Variants in FXN observed in about 807,000 individuals in gnomAD.
The protein encoded by FXN is frataxin, mitochondrial.
Under a neutral mutation model 22.4 loss-of-function variants are expected in FXN, and 14 were observed. That is an observed-to-expected ratio of 0.62 (90% CI 0.41 to 0.98). The LOEUF is 0.98. Ranked by LOEUF, FXN falls within the 50% of genes least tolerant of loss-of-function variation. FXN has a pLI of 0.00. For synonymous variants in FXN, 120 were observed against 114.1 expected (o/e 1.05, Z -0.33); for missense variants, 267 against 268.4 (o/e 0.99, Z 0.04).
chr9:69,071,789 G>T (rs1297237419), intron 4 of FXN, among the ~76,000 whole-genome samples: 1 of 152,184 alleles, frequency 6.6e-6, no homozygotes, highest in Non-Finnish European at 1.5e-5. Context: ...ACTGTTTAAT[G>T]GGTATAGTTG....
At chr9:69,060,496 A>C (rs1381005013) in intron 3 of FXN, among the ~76,000 whole-genome samples, 1 of 152,196 alleles carries the variant, frequency 6.6e-6, no homozygotes, top group Non-Finnish European at 1.5e-5. Flanking sequence ...CACTCCCAAA[A>C]TAGACTCAGA....
At chr9:69,040,528 C>T (rs1317534230) in intron 1 of FXN, among the ~76,000 whole-genome samples, 2 of 152,000 alleles carry the variant, frequency 1.3e-5, no homozygotes, top group South Asian at 2.1e-4. Context: ...ATTAGCCGGG[C>T]GTGGTGACGG....
intron 2 of FXN, among the ~76,000 whole-genome samples, chr9:69,047,591 G>A (rs991326943): frequency 6.6e-6 from 1 of 152,190 alleles, no homozygotes; most frequent in Admixed American, 6.5e-5. Flanking sequence ...GGCAGGCAGT[G>A]GGAAGTGTGC....
chr9:69,040,406 C>T (rs1051934008), intron 1 of FXN, among the ~76,000 whole-genome samples: 5 of 152,150 alleles, frequency 3.3e-5, no homozygotes, highest in Non-Finnish European at 5.9e-5. Context: ...CGGTGGCTCA[C>T]GCCTGTAATC....
At chr9:69,042,372 T>C (rs1023847350) in intron 1 of FXN, among the ~76,000 whole-genome samples, 2 of 152,168 alleles carry the variant, frequency 1.3e-5, no homozygotes, top group African/African-American at 2.4e-5. Flanking sequence ...CTCCATTCTT[T>C]TGTTCAGAGC....
chr9:69,076,411 T>G lies in FXN; in HGVS notation c.*3649T>G. On this transcript the variant is annotated 3_prime_UTR_variant, in exon 5 of 5. Coordinates refer to ENST00000484259, the MANE Select transcript of FXN (RefSeq NM_000144.5). ...TGACGTTCCCTACTCAACCTTGAAC[T>G]TAATCAAAATACTCAGTTTACTTAA... The G allele has an allele frequency of 3.0e-6, 3 of 985,404 alleles. No homozygotes were observed. The highest frequency in any genetic ancestry group is 3.6e-6 in the Non-Finnish European group (3 of 829,916). The allele number at this position is 985,404 out of a possible 1,614,324, so 61.0% of individuals were successfully genotyped here. A position where few individuals can be genotyped will look rare whatever the true frequency, so the allele number is the denominator to read the frequency against.
intron 2 of FXN, among the ~76,000 whole-genome samples, chr9:69,051,026 C>T (rs11144940): frequency 0.069 from 10,459 of 152,206 alleles, 473 homozygotes; most frequent in African/African-American, 0.13. Flanking sequence ...GTGATCCGCC[C>T]GCCTCGGCCT....
At chr9:69,071,127 A>G in intron 4 of FXN, 1 of 514,356 alleles carries the variant, frequency 1.9e-6, no homozygotes, top group Non-Finnish European at 3.9e-6. Context: ...AGAGCACCTC[A>G]GGCAGTGTGG....
chr9:69,053,222 A>G lies in FXN; in HGVS notation c.346A>G (p.Lys116Glu), dbSNP rs1165716226. 3.7e-6 allele frequency: 6 copies of G among 1,613,820 alleles called. No homozygotes were observed. The highest frequency in any genetic ancestry group is 5.1e-6 in the Non-Finnish European group (6 of 1,179,962). The change falls in exon 3 of 5, where the codon AAG becomes GAG. Residue 116 changes from lysine to glutamate, a missense_variant. Coordinates refer to ENST00000484259, the MANE Select transcript of FXN (RefSeq NM_000144.5). The part of the protein sequence containing the change: ...LAEFFEDLAD[K>E]PYTFEDYDVS... ...AGAGTTTTTTGAAGACCTTGCAGACAAGCCATACACGTTTGAGGACTATGA... is the reference window on the plus strand; with the variant it reads ...AGAGTTTTTTGAAGACCTTGCAGACGAGCCATACACGTTTGAGGACTATGA...
rs1271766958 is a variant in FXN at position 69,061,472 on chromosome 9, CACAAAGAGA to C, written c.385-3460_385-3452del. 1.4e-4 allele frequency among the ~76,000 whole-genome samples: 22 copies of C among 152,144 alleles called. No homozygotes were observed. The East Asian group carries it at 4.3e-3, about 29-fold the overall frequency. On this transcript the variant is annotated intron_variant, in intron 3 of 4. Transcript: ENST00000484259. ...ACACACAACTGGAGCATTTAAGGGC[CACAAAGAGA>C]ACAAATTACCAATGATTGTGTGTTG...
chr9:69,039,831 C>T (rs1462448593), intron 1 of FXN, among the ~76,000 whole-genome samples: 1 of 152,184 alleles, frequency 6.6e-6, no homozygotes, highest in Non-Finnish European at 1.5e-5. Flanking sequence ...TTTCTTCTTA[C>T]TGCTCTGGAG....
At chr9:69,067,049 A>G (rs2133129877) in intron 4 of FXN, among the ~76,000 whole-genome samples, 1 of 152,340 alleles carries the variant, frequency 6.6e-6, no homozygotes, top group South Asian at 2.1e-4. Flanking sequence ...AGTCGGGGGA[A>G]GGGAGGCAGA....
At chr9:69,048,586 C>T (rs372789004) in intron 2 of FXN, among the ~76,000 whole-genome samples, 2 of 151,532 alleles carry the variant, frequency 1.3e-5, no homozygotes, top group East Asian at 1.9e-4. Flanking sequence ...GCCTGGGTAA[C>T]GAGCGAAATT....
At chr9:69,043,101 A>G (rs1022850329) in intron 1 of FXN, among the ~76,000 whole-genome samples, 12 of 152,108 alleles carry the variant, frequency 7.9e-5, no homozygotes, top group African/African-American at 2.9e-4. Flanking sequence ...GGTCGTTTCA[A>G]AGATGTGTGC....
intron 2 of FXN, among the ~76,000 whole-genome samples, chr9:69,047,406 A>G (rs1182049082): frequency 6.6e-6 from 1 of 152,106 alleles, no homozygotes; most frequent in Non-Finnish European, 1.5e-5. Context: ...GATAACTGCA[A>G]CTGTAACTCC....
At chr9:69,040,813 G>A (rs368297728) in intron 1 of FXN, among the ~76,000 whole-genome samples, 2 of 152,320 alleles carry the variant, frequency 1.3e-5, no homozygotes, top group South Asian at 2.1e-4. Flanking sequence ...GCCCTTGGGA[G>A]GTGATGAGGT....
Position 69,035,766 on chromosome 9 carries a change from G to C in FXN, c.-17G>C, listed in dbSNP as rs1831534728. The C allele has an allele frequency of 1.3e-6, 2 of 1,497,440 alleles. No individual in the cohort carries two copies. Among genetic ancestry groups the C allele is most frequent in the Non-Finnish European group, 1.8e-6 (2 of 1,128,870 alleles). The allele number at this position is 1,497,440 out of a possible 1,614,324, so 92.8% of individuals were successfully genotyped here. On this transcript the variant is annotated 5_prime_UTR_variant, in exon 1 of 5. Coordinates refer to ENST00000484259, the MANE Select transcript of FXN (RefSeq NM_000144.5). Reference sequence around the variant, plus strand: ...CCCAGCGCTGGAGGGCGGAGCGGGCGGCAGACCCGGAGCAGCATGTGGACT... The same window carrying C: ...CCCAGCGCTGGAGGGCGGAGCGGGCCGCAGACCCGGAGCAGCATGTGGACT...
intron 4 of FXN, among the ~76,000 whole-genome samples, chr9:69,070,228 CAA>C (rs563872382): frequency 1.8e-4 from 20 of 112,114 alleles, no homozygotes; most frequent in East Asian, 2.8e-4. Context: ...GACCCCATCT[CAA>C]AAAAAAAAAA....
intron 4 of FXN, among the ~76,000 whole-genome samples, chr9:69,070,587 A>C (rs1231755614): frequency 2.6e-5 from 4 of 152,228 alleles, no homozygotes; most frequent in Admixed American, 2.6e-4. Context: ...CTGCCTTTAA[A>C]GCACTTTTGA....
Sources: allele counts gnomAD v4.1 joint callset (sites outside exome capture counted in the v4.1 genomes callset), GRCh38; gene constraint gnomAD v4.1.1; transcripts MANE v1.5; gene names NCBI Gene and HGNC (gene_info 2026-07-23, HGNC 2026-07-21).